Variants in CSMD1 observed in about 807,000 individuals in gnomAD.
CSMD1 encodes CUB and Sushi multiple domains 1.
A neutral mutation model predicts 417.5 loss-of-function variants in CSMD1; 213 were observed. That is an observed-to-expected ratio of 0.51 (90% confidence interval 0.46 to 0.57). The LOEUF is 0.57. Among genes scored for constraint, CSMD1 ranks in the 20% least tolerant of loss-of-function variants. CSMD1 has a pLI of 0.00. For synonymous variants in CSMD1, 2,862 were observed against 1,736.8 expected (o/e 1.65, Z -16.11); for missense variants, 6,923 against 4,529.7 (o/e 1.53, Z -15.17).
intron 3 of CSMD1, among the ~76,000 whole-genome samples, chr8:4,141,668 C>G (rs1009982289): frequency 4.6e-5 from 7 of 150,876 alleles, no homozygotes; most frequent in African/African-American, 1.7e-4. Context: ...GATCTCTAAA[C>G]TTCTCCAGAA....
In CSMD1 at chr8:3,959,004, T is replaced by TCTCCCG. The variant is rs1563254667; in HGVS notation, c.818+38898_818+38899insCGGGAG. ...CTGGGCCTTCTCCCATGCGTCTCCC[T>TCTCCCG]CCTCCCTACTCTGCGGCGGCTTCTC... On this transcript the variant is annotated intron_variant, in intron 5 of 69. Coordinates refer to ENST00000635120, the MANE Select transcript of CSMD1 (RefSeq NM_033225.6). 4.6e-5 allele frequency among the ~76,000 whole-genome samples: 7 copies of TCTCCCG among 151,718 alleles called. No individual in the cohort carries two copies. In the East Asian group the frequency reaches 1.4e-3, roughly 29 times the overall value.
At chr8:3,863,860 C>G (rs1288871488) in intron 5 of CSMD1, among the ~76,000 whole-genome samples, 1 of 152,048 alleles carries the variant, frequency 6.6e-6, no homozygotes, top group Non-Finnish European at 1.5e-5. Context: ...ATTTCTTCCA[C>G]TTCTTTCAGT....
chr8:3,920,329 G>A (rs192700814), intron 5 of CSMD1, among the ~76,000 whole-genome samples: 31 of 151,698 alleles, frequency 2.0e-4, no homozygotes, highest in Admixed American at 1.6e-3. Flanking sequence ...GCCACCGTAC[G>A]TGCCCTATTT....
At chr8:3,798,560 T>G (rs2129071372) in intron 5 of CSMD1, among the ~76,000 whole-genome samples, 1 of 152,200 alleles carries the variant, frequency 6.6e-6, no homozygotes, top group Non-Finnish European at 1.5e-5. Context: ...TCCAGAGTTT[T>G]GAGAGGTGAT....
At chr8:3,282,869 G>T (rs540776522) in intron 26 of CSMD1, among the ~76,000 whole-genome samples, 96 of 152,252 alleles carry the variant, frequency 6.3e-4, no homozygotes, top group African/African-American at 2.1e-3. Flanking sequence ...TCAGTGAGCT[G>T]CCAAGAGATA....
intron 1 of CSMD1, among the ~76,000 whole-genome samples, chr8:4,848,084 G>T (rs776008719): frequency 1.1e-4 from 17 of 152,074 alleles, no homozygotes; most frequent in Non-Finnish European, 2.5e-4. Context: ...ATGCTGTATG[G>T]TTTTGCAACT....
intron 37 of CSMD1, among the ~76,000 whole-genome samples, chr8:3,167,291 G>GAAAAAAAAAA (rs61026104): frequency 2.9e-5 from 3 of 102,644 alleles, no homozygotes; most frequent in Admixed American, 1.1e-4. Flanking sequence ...CTTGGAAAAA[G>GAAAAAAAAAA]AAAAAAAAAA....
In CSMD1 at chr8:4,154,690, A is replaced by C. The variant is rs527425079; in HGVS notation, c.416-122591T>G. 1.6e-4 allele frequency among the ~76,000 whole-genome samples: 24 copies of C among 152,346 alleles called. 1 individual carries two copies. In the South Asian group the frequency reaches 4.6e-3, roughly 29 times the overall value. ...GTTGATAACCTGAGAATTCTCATTAAAAACGTACAAGGAAAAAGAGATCAT... is the reference window on the plus strand; with the variant it reads ...GTTGATAACCTGAGAATTCTCATTACAAACGTACAAGGAAAAAGAGATCAT... On this transcript the variant is annotated intron_variant, in intron 3 of 69. Coordinates refer to ENST00000635120, the MANE Select transcript of CSMD1 (RefSeq NM_033225.6).
intron 5 of CSMD1, among the ~76,000 whole-genome samples, chr8:3,962,363 G>A (rs1242273232): frequency 1.3e-5 from 2 of 152,168 alleles, no homozygotes; most frequent in African/African-American, 2.4e-5. Flanking sequence ...GTGCACTAGA[G>A]CAGAGTCAGG....
At chr8:3,090,373 G>C (rs1293139534) in intron 48 of CSMD1, among the ~76,000 whole-genome samples, 1 of 146,496 alleles carries the variant, frequency 6.8e-6, no homozygotes, top group Non-Finnish European at 1.5e-5. Flanking sequence ...GGAACAAGGA[G>C]TTTGCTGAAT....
chr8:3,064,894 T>C (rs1358177675), intron 49 of CSMD1, among the ~76,000 whole-genome samples: 1 of 152,162 alleles, frequency 6.6e-6, no homozygotes, highest in Non-Finnish European at 1.5e-5. Context: ...AAAATCTTTT[T>C]TTTTCCTTTT....
At chr8:3,179,268 G>A (rs190436442) in intron 37 of CSMD1, among the ~76,000 whole-genome samples, 127 of 152,184 alleles carry the variant, frequency 8.3e-4, no homozygotes, top group African/African-American at 2.9e-3. Context: ...TCAAATTCTG[G>A]CATGAAGAAT....
At chr8:3,913,595 C>A (rs536761215) in intron 5 of CSMD1, among the ~76,000 whole-genome samples, 5 of 152,232 alleles carry the variant, frequency 3.3e-5, no homozygotes, top group African/African-American at 1.2e-4. Context: ...TGCATTTGCC[C>A]ACAGATCTGG....
intron 1 of CSMD1, among the ~76,000 whole-genome samples, chr8:4,831,515 C>A (rs925946781): frequency 6.6e-6 from 1 of 151,976 alleles, no homozygotes; most frequent in Non-Finnish European, 1.5e-5. Context: ...TTGCATGGTA[C>A]ATATTTTTTT....
chr8:3,778,228 A>G (rs970732148), intron 5 of CSMD1, among the ~76,000 whole-genome samples: 13 of 148,324 alleles, frequency 8.8e-5, no homozygotes, highest in Admixed American at 4.0e-4. Context: ...GGTCTGTGGA[A>G]CTGACTATTT....
intron 5 of CSMD1, among the ~76,000 whole-genome samples, chr8:3,809,959 C>T (rs967175846): frequency 1.3e-5 from 2 of 152,196 alleles, no homozygotes; most frequent in Non-Finnish European, 2.9e-5. Context: ...ACTCAAGGGC[C>T]TTCCAACTTC....
At chr8:3,068,253 C>CT (rs1301164695) in intron 49 of CSMD1, among the ~76,000 whole-genome samples, 1 of 151,764 alleles carries the variant, frequency 6.6e-6, no homozygotes, top group East Asian at 1.9e-4. Context: ...GTTCTTTTTT[C>CT]TTTTTTCTTT....
intron 39 of CSMD1, among the ~76,000 whole-genome samples, chr8:3,157,644 C>G (rs1049711989): frequency 6.6e-6 from 1 of 152,192 alleles, no homozygotes; most frequent in Admixed American, 6.5e-5. Flanking sequence ...GGTGCAGGGC[C>G]GTGAGCGGGC....
chr8:3,681,807 T>G (rs1799678215), intron 7 of CSMD1, among the ~76,000 whole-genome samples: 1 of 152,132 alleles, frequency 6.6e-6, no homozygotes, highest in African/African-American at 2.4e-5. Context: ...AAGGCTACAG[T>G]AACCCAAACA....
Sources: gnomAD v4.1 joint callset for allele counts (sites outside exome capture counted in the v4.1 genomes callset) on GRCh38, gnomAD v4.1.1 for gene constraint, MANE v1.5 for transcripts, NCBI Gene and HGNC (gene_info 2026-07-23, HGNC 2026-07-21) for gene names.